MARF1: variants seen among roughly 807,000 people sequenced by gnomAD.
MARF1 encodes the protein limkain-b1.
In MARF1, 24 loss-of-function variants were observed where a neutral mutation model predicts 168.2. That is an observed-to-expected ratio of 0.14 (90% CI 0.10 to 0.20). MARF1 has a LOEUF of 0.20. Among genes scored for constraint, MARF1 ranks in the 10% least tolerant of loss-of-function variants. MARF1 has a pLI of 1.00. For missense variants in MARF1, 1,744 were observed against 2,143.6 expected, an observed-to-expected ratio of 0.81 and a Z score of 3.68; for synonymous variants, 868 against 822.4, an observed-to-expected ratio of 1.06 and a Z score of -0.95.
Position 15,635,762 on chromosome 16 carries a change from G to A in MARF1, c.725C>T (p.Ser242Leu). The A allele has an allele frequency of 6.2e-7, 1 of 1,614,246 alleles. No individual in the cohort carries two copies. Among genetic ancestry groups the A allele is most frequent in the South Asian group, 1.1e-5 (1 of 91,090 alleles). Residue 242 changes from serine (S) to leucine (L), a missense_variant, in exon 3 of 27, where the codon TCA becomes TTA. Physicochemically the swap from Ser to Leu is moderately radical, Grantham distance 145. This residue lies in a region of MARF1 where 318 missense variants were observed against 336.6 expected (regional missense o/e 0.94). Coordinates refer to ENST00000396368, the MANE Select transcript of MARF1 (RefSeq NM_014647.4). ...CAAGTGAGGCGTTAGCTCCGACTGTGAAATGTGCTCTTCCAAATGCCCTGG... is the reference window on the plus strand; with the variant it reads ...CAAGTGAGGCGTTAGCTCCGACTGTAAAATGTGCTCTTCCAAATGCCCTGG... The part of the protein sequence containing the change: ...GAPGHLEEHI[S>L]QSELTPHLCT...
chr16:15,635,973 T>A lies in MARF1; in HGVS notation c.514A>T (p.Ile172Phe), dbSNP rs2035566676. The A allele has an allele frequency of 6.2e-7, 1 of 1,614,060 alleles. No homozygotes were observed. The highest frequency in any genetic ancestry group is 1.1e-5 in the South Asian group (1 of 91,090). Residue 172 changes from isoleucine (I) to phenylalanine (F), a missense_variant, in exon 3 of 27, where the codon ATT (isoleucine) becomes TTT (phenylalanine). This residue lies in a region of MARF1 where 318 missense variants were observed against 336.6 expected (regional missense o/e 0.94). Transcript: ENST00000396368. ...NASARNNLAG[I>F]ASDFPSMCLE... ...CACATGCTGGGAAAGTCACTTGCAA[T>A]GCCTGCCAAATTGTTCCTAGCTGAG... is the stretch of plus-strand genomic sequence containing the variant.
intron 1 of MARF1, among the ~76,000 whole-genome samples, chr16:15,640,868 T>C (rs1206548176): frequency 6.6e-6 from 1 of 152,220 alleles, no homozygotes; most frequent in African/African-American, 2.4e-5. Context: ...CCACAAAGCC[T>C]ATATTTACTA....
intron 12 of MARF1, 179 bp downstream of exon 12, chr16:15,621,554 A>T (rs1303033082): frequency 4.8e-6 from 3 of 629,176 alleles, no homozygotes; most frequent in African/African-American, 1.9e-5. Flanking sequence ...AGCTTTGATT[A>T]ATGACTTAGA....
At chr16:15,599,154 T>TAAAAAA (rs565989147) in intron 25 of MARF1, 130 bp from the exon 26 acceptor site, 727 of 298,410 alleles carry the variant, frequency 2.4e-3, no homozygotes, top group South Asian at 5.9e-3. Flanking sequence ...TTTAAGGTAT[T>TAAAAAA]AAAAAAAAAA....
At position 15,635,852 on chromosome 16, in the gene MARF1, A is replaced by C; in HGVS notation, c.635T>G (p.Phe212Cys). 1 of 1,614,240 alleles carries C rather than the reference A, an allele frequency of 6.2e-7. No individual in the cohort carries two copies. The highest frequency in any genetic ancestry group is 8.5e-7 in the Non-Finnish European group (1 of 1,180,042). Residue 212 changes from phenylalanine (F) to cysteine (C), a missense_variant, in exon 3 of 27, where the codon TTT becomes TGT. By Grantham distance (205) the Phe-to-Cys change is radical (BLOSUM62 -2). Coordinates refer to ENST00000396368, the MANE Select transcript of MARF1 (RefSeq NM_014647.4). The part of the protein sequence containing the change: ...CHGNVHKLHQ[F>C]PSLQGCTSAG... ...GGAGGTGCAGCCCTGCAGACTCGGA[A>C]ACTGATGCAGCTTGTGCACATTACC... is the stretch of plus-strand genomic sequence containing the variant.
chr16:15,642,486 T>G (rs1205889920), intron 1 of MARF1: 1 of 152,150 alleles, frequency 6.6e-6, no homozygotes, highest in Admixed American at 6.5e-5. Context: ...AAGACACAAA[T>G]GCAATTGGAC....
At chr16:15,640,823 T>C (rs1453207795) in intron 1 of MARF1, among the ~76,000 whole-genome samples, 2 of 152,160 alleles carry the variant, frequency 1.3e-5, no homozygotes, top group Non-Finnish European at 2.9e-5. Context: ...AATTGCAGAG[T>C]TGCAAAGAGA....
At chr16:15,639,059 C>A in intron 2 of MARF1, 31 bp downstream of exon 2, 2 of 1,596,928 alleles carry the variant, frequency 1.3e-6, no homozygotes, top group Non-Finnish European at 1.7e-6. Flanking sequence ...GATGAGGAAT[C>A]TGCTACATCC....
chr16:15,619,799 G>T (rs1567560525), intron 13 of MARF1, among the ~76,000 whole-genome samples: 1 of 152,128 alleles, frequency 6.6e-6, no homozygotes, highest in Non-Finnish European at 1.5e-5. Flanking sequence ...TTAGGATACA[G>T]TATTATGGCA....
intron 10 of MARF1, 108 bp from the exon 11 acceptor site, chr16:15,623,231 A>C: frequency 1.5e-6 from 1 of 662,516 alleles, no homozygotes; most frequent in Non-Finnish European, 2.2e-6. Flanking sequence ...ATTTTCCACA[A>C]CACAACCAAA....
At chr16:15,629,482 T>C (rs1183724687) in intron 7 of MARF1, among the ~76,000 whole-genome samples, 1 of 152,200 alleles carries the variant, frequency 6.6e-6, no homozygotes, top group African/African-American at 2.4e-5. Context: ...GTTTACTTTT[T>C]CTAAGAGCTG....
rs747797091 is a variant in MARF1 at position 15,624,917 on chromosome 16, G to A, written c.2122C>T (p.Leu708Phe). 6.2e-7 allele frequency: 1 copy of A among 1,613,996 alleles called. No individual in the cohort carries two copies. Among genetic ancestry groups the A allele is most frequent in the Admixed American group, 1.7e-5 (1 of 59,972 alleles). ...GAACTGGTAACACTTCGGGCACTGA[G>A]GTTCTCCTTTCTAACAGAAGGGGAA... is the stretch of plus-strand genomic sequence containing the variant. ...VYKTSQKKENLSARSVTSSPV... is the reference protein window; with the variant it reads ...VYKTSQKKENFSARSVTSSPV... The change falls in exon 10 of 27, where the codon CTC becomes TTC. Residue 708 changes from leucine (L) to phenylalanine (F), a missense_variant. By Grantham distance (22) the Leu-to-Phe change is conservative. Transcript: ENST00000396368.
chr16:15,598,744 C>T, intron 26 of MARF1, 110 bp downstream of exon 26: 1 of 1,082,540 alleles, frequency 9.2e-7, no homozygotes, highest in Non-Finnish European at 1.4e-6. Context: ...TGTTTTCCAC[C>T]TGAAAAGGGG....
chr16:15,623,182 TA>T, intron 10 of MARF1, 59 bp from the exon 11 acceptor site: 1 of 1,334,520 alleles, frequency 7.5e-7, no homozygotes, highest in Non-Finnish European at 1.0e-6. Flanking sequence ...ATTTAGATTT[TA>T]TCATTTAGGC....
At position 15,602,705 on chromosome 16, in the gene MARF1, A is replaced by C. The variant is rs543885095; in HGVS notation, c.4414-502T>G. 5.4e-4 allele frequency: 244 copies of C among 452,202 alleles called. 4 individuals are homozygous for C. The highest frequency in any genetic ancestry group is 3.8e-3 in the South Asian group (239 of 63,660). The allele number at this position is 452,202 out of a possible 1,614,324, so 28.0% of individuals were successfully genotyped here. A position where few individuals can be genotyped will look rare whatever the true frequency, so the allele number is the denominator to read the frequency against. On this transcript the variant is annotated intron_variant, in intron 22 of 26. Coordinates refer to ENST00000396368, the MANE Select transcript of MARF1 (RefSeq NM_014647.4). ...CAAGAGAAGGCTATAGCCTCCAGCA[A>C]ACTTCAGTTCTATTTGCAAGTCGAA...
chr16:15,597,104 G>A (rs907836683), intron 26 of MARF1, among the ~76,000 whole-genome samples, 167 bp from the exon 27 acceptor site: 4 of 152,136 alleles, frequency 2.6e-5, no homozygotes, highest in African/African-American at 9.7e-5. Flanking sequence ...AGTGAACTTG[G>A]CACAGAAATC....
intron 13 of MARF1, 77 bp from the exon 14 acceptor site, chr16:15,617,612 A>G (rs2034165344): frequency 1.1e-5 from 10 of 931,730 alleles, no homozygotes; most frequent in Non-Finnish European, 1.3e-5. Flanking sequence ...CTGTTTAAAT[A>G]AAGAACAATA....
intron 2 of MARF1, among the ~76,000 whole-genome samples, chr16:15,636,958 T>C (rs146027214): frequency 5.9e-5 from 9 of 152,336 alleles, no homozygotes; most frequent in Non-Finnish European, 1.3e-4. Flanking sequence ...TGAAAAGATT[T>C]AGAGAATTAG....
intron 2 of MARF1, among the ~76,000 whole-genome samples, chr16:15,637,073 G>A (rs942335821): frequency 6.6e-6 from 1 of 152,218 alleles, no homozygotes; most frequent in East Asian, 1.9e-4. Context: ...AGCATCAGTG[G>A]CAGAGACCTG....
Sources: gnomAD v4.1 joint callset for allele counts (sites outside exome capture counted in the v4.1 genomes callset) on GRCh38, gnomAD v4.1.1 for gene constraint, gnomAD v4.1.1 regional missense constraint, MANE v1.5 for transcripts, NCBI Gene and HGNC (gene_info 2026-07-23, HGNC 2026-07-21) for gene names.